COX7B2: variants seen among roughly 807,000 people sequenced by gnomAD.
COX7B2 encodes cytochrome c oxidase subunit 7B2, mitochondrial.
For synonymous variants in COX7B2, 37 were observed against 32.1 expected, an observed-to-expected ratio of 1.15 and a Z score of -0.51; for missense variants, 109 against 95.9, an observed-to-expected ratio of 1.14 and a Z score of -0.57.
At chr4:46,798,937 C>G (rs75369785) in intron 2 of COX7B2, among the ~76,000 whole-genome samples, 1 of 152,158 alleles carries the variant, frequency 6.6e-6, no homozygotes, top group South Asian at 2.1e-4. Flanking sequence ...CTTGCACTCA[C>G]AAGCTCTTTC....
At chr4:46,742,331 A>T (rs142829759) in intron 2 of COX7B2, among the ~76,000 whole-genome samples, 2 of 148,612 alleles carry the variant, frequency 1.3e-5, no homozygotes, top group African/African-American at 5.1e-5. Context: ...AAGAAACAAT[A>T]AAAAAAAGCA....
intron 1 of COX7B2, among the ~76,000 whole-genome samples, chr4:46,888,433 G>A (rs1453868199): frequency 1.3e-5 from 2 of 151,154 alleles, no homozygotes; most frequent in Non-Finnish European, 2.9e-5. Flanking sequence ...GGCAGATTAT[G>A]TTTCTTCCTT....
At chr4:46,851,366 G>T (rs959688402) in intron 1 of COX7B2, among the ~76,000 whole-genome samples, 36 of 152,110 alleles carry the variant, frequency 2.4e-4, no homozygotes, top group East Asian at 1.7e-3. Context: ...AGACATGAAA[G>T]AAGGAAAATG....
intron 1 of COX7B2, among the ~76,000 whole-genome samples, chr4:46,884,572 T>C (rs1718956835): frequency 6.6e-6 from 1 of 152,214 alleles, no homozygotes; most frequent in Admixed American, 6.5e-5. Context: ...CCATGATTGT[T>C]TCCCCAACAC....
intron 2 of COX7B2, among the ~76,000 whole-genome samples, chr4:46,807,609 C>A (rs1255518846): frequency 1.3e-5 from 2 of 151,704 alleles, no homozygotes; most frequent in African/African-American, 4.8e-5. Flanking sequence ...AAGTAGTTCC[C>A]CTACATACTC....
At chr4:46,842,629 C>A (rs1461838311) in intron 2 of COX7B2, among the ~76,000 whole-genome samples, 3 of 151,756 alleles carry the variant, frequency 2.0e-5, no homozygotes, top group Admixed American at 6.6e-5. Context: ...TCAATTCCCA[C>A]CTATGAGTGA....
intron 2 of COX7B2, among the ~76,000 whole-genome samples, chr4:46,833,810 G>T (rs1577630897): frequency 6.6e-6 from 1 of 152,044 alleles, no homozygotes; most frequent in Admixed American, 6.6e-5. Context: ...GCAAAAAAAA[G>T]AAGTGTGCAA....
At chr4:46,799,115 G>A (rs182417870) in intron 2 of COX7B2, among the ~76,000 whole-genome samples, 158 of 152,232 alleles carry the variant, frequency 1.0e-3, no homozygotes, top group African/African-American at 3.6e-3. Context: ...TCTTTCTTGT[G>A]TGTGGCTATT....
chr4:46,816,516 T>G (rs1212721296), intron 2 of COX7B2, among the ~76,000 whole-genome samples: 2 of 152,224 alleles, frequency 1.3e-5, no homozygotes, highest in African/African-American at 2.4e-5. Context: ...TTTATAGTTA[T>G]TATATCTATT....
chr4:46,787,815 T>C (rs1717831493), intron 2 of COX7B2, among the ~76,000 whole-genome samples: 1 of 152,244 alleles, frequency 6.6e-6, no homozygotes, highest in African/African-American at 2.4e-5. Flanking sequence ...CTTTGTGTGT[T>C]CTGCCTTTTT....
At chr4:46,745,739 T>G (rs758120014) in intron 2 of COX7B2, among the ~76,000 whole-genome samples, 1 of 152,182 alleles carries the variant, frequency 6.6e-6, no homozygotes, top group African/African-American at 2.4e-5. Context: ...TCTTTTAAGT[T>G]CCTGAGGGAA....
chr4:46,825,873 C>A (rs928599354), intron 2 of COX7B2, among the ~76,000 whole-genome samples: 2 of 151,928 alleles, frequency 1.3e-5, no homozygotes, highest in Admixed American at 6.6e-5. Context: ...TGCACAAAAA[C>A]CAACACAAGA....
chr4:46,908,738 CAA>C (rs34388680), intron 1 of COX7B2, among the ~76,000 whole-genome samples: 12 of 121,050 alleles, frequency 9.9e-5, no homozygotes, highest in Non-Finnish European at 8.5e-5. Flanking sequence ...AGGAAAGTGG[CAA>C]AAAAAAAAAA....
intron 2 of COX7B2, among the ~76,000 whole-genome samples, chr4:46,821,926 G>T (rs574169487): frequency 6.6e-6 from 1 of 151,604 alleles, no homozygotes; most frequent in Admixed American, 6.6e-5. Flanking sequence ...TTGTTTGTTT[G>T]TTTTGAGACG....
At chr4:46,830,819 A>C (rs1281760130) in intron 2 of COX7B2, among the ~76,000 whole-genome samples, 2 of 152,238 alleles carry the variant, frequency 1.3e-5, no homozygotes, top group Non-Finnish European at 2.9e-5. Flanking sequence ...ACTGGGCATT[A>C]ATGTACAGTC....
At chr4:46,751,075 T>C (rs967765808) in intron 2 of COX7B2, among the ~76,000 whole-genome samples, 3 of 152,180 alleles carry the variant, frequency 2.0e-5, no homozygotes, top group Non-Finnish European at 2.9e-5. Flanking sequence ...TCCTATTCAC[T>C]TTCTACATCC....
At chr4:46,865,194 C>T (rs1017379221) in intron 1 of COX7B2, among the ~76,000 whole-genome samples, 2 of 152,130 alleles carry the variant, frequency 1.3e-5, no homozygotes. Context: ...TCAGTGAGAA[C>T]ATATATTTTT....
At chr4:46,794,391 T>C (rs1336780729) in intron 2 of COX7B2, among the ~76,000 whole-genome samples, 1 of 152,108 alleles carries the variant, frequency 6.6e-6, no homozygotes, top group Non-Finnish European at 1.5e-5. Context: ...AAATTAGATA[T>C]TCTAGAAATG....
At chr4:46,864,361 A>G (rs1285871010) in intron 1 of COX7B2, among the ~76,000 whole-genome samples, 2 of 152,022 alleles carry the variant, frequency 1.3e-5, no homozygotes, top group Non-Finnish European at 2.9e-5. Flanking sequence ...TTTTTTTTTA[A>G]CTAAAGGGAA....
Sources: gnomAD v4.1 joint callset for allele counts (sites outside exome capture counted in the v4.1 genomes callset) on GRCh38, gnomAD v4.1.1 for gene constraint, MANE v1.5 for transcripts, NCBI Gene and HGNC (gene_info 2026-07-23, HGNC 2026-07-21) for gene names.